Variants in CR1L observed in about 807,000 individuals in gnomAD.
CR1L encodes the protein complement C3b/C4b receptor 1 like, also known as complement component receptor 1-like protein.
Under a neutral mutation model 62.3 loss-of-function variants are expected in CR1L, and 59 were observed. That is an observed-to-expected ratio of 0.95 (90% CI 0.77 to 1.18). CR1L has a LOEUF of 1.18. Among genes scored for constraint, CR1L ranks in the 50% most tolerant of loss-of-function variants. CR1L has a pLI of 0.00. For missense variants in CR1L, 700 were observed against 702.8 expected (o/e 1.00, Z 0.04); for synonymous variants, 279 against 248.7 (o/e 1.12, Z -1.15).
Position 207,680,801 on chromosome 1 carries a change from G to A in CR1L, c.377+2504G>A, listed in dbSNP as rs79222941. Among the ~76,000 whole-genome samples the A allele has an allele frequency of 5.0e-3, 768 of 152,260 alleles. 3 individuals are homozygous for A. The highest frequency in any genetic ancestry group is 0.017 in the African/African-American group (710 of 41,544). The stretch of plus-strand genomic sequence containing the variant: ...AGATAAGACCCACTCAGATCACTAC[G>A]CCTTTTCAGGGAGCAATAATCTTCC... On this transcript the variant is annotated intron_variant, in intron 3 of 11. Transcript: ENST00000508064.
chr1:207,670,454 G>A (rs1456015115), intron 1 of CR1L, among the ~76,000 whole-genome samples: 1 of 150,988 alleles, frequency 6.6e-6, no homozygotes, highest in Non-Finnish European at 1.5e-5. Flanking sequence ...ACTTCAAGTA[G>A]GTAAACATCT....
At chr1:207,681,293 T>A (rs4336852) in intron 3 of CR1L, among the ~76,000 whole-genome samples, 73,818 of 151,936 alleles carry the variant, frequency 0.49, 18,262 homozygotes, top group East Asian at 0.69. Context: ...TGATCATGGC[T>A]TTTCCTGAAC....
In CR1L at chr1:207,694,740, G is replaced by A. The variant is rs1664048263; in HGVS notation, c.851G>A (p.Ser284Asn). Residue 284 changes from serine (S) to asparagine (N), a missense_variant, in exon 5 of 12, where the codon AGC becomes AAC. By Grantham distance (46) the Ser-to-Asn change is conservative (BLOSUM62 1). Transcript: ENST00000508064. ...ALNKWEPELP[S>N]CSRVCQPPPD... Reference sequence around the variant, plus strand: ...AACAAATGGGAGCCAGAGTTACCAAGCTGCTCCAGGGGTGAGTCTGACTGA... The same window carrying A: ...AACAAATGGGAGCCAGAGTTACCAAACTGCTCCAGGGGTGAGTCTGACTGA... 2.5e-6 allele frequency: 4 copies of A among 1,611,906 alleles called. No individual in the cohort carries two copies. In the East Asian group the frequency reaches 8.9e-5, roughly 36 times the overall value.
chr1:207,675,848 A>T (rs751748270), intron 1 of CR1L, among the ~76,000 whole-genome samples: 8 of 152,236 alleles, frequency 5.3e-5, no homozygotes, highest in Non-Finnish European at 1.2e-4. Context: ...AGCTGAGTCT[A>T]CTATATAATA....
chr1:207,656,529 G>A (rs1037656071), intron 1 of CR1L, among the ~76,000 whole-genome samples: 1 of 152,126 alleles, frequency 6.6e-6, no homozygotes, highest in African/African-American at 2.4e-5. Context: ...AATTTATAAA[G>A]AAAAGAGGTT....
intron 4 of CR1L, among the ~76,000 whole-genome samples, chr1:207,687,395 A>C (rs1663929267): frequency 6.6e-6 from 1 of 152,216 alleles, no homozygotes; most frequent in South Asian, 2.1e-4. Context: ...TAAAGTGCAC[A>C]CATCTTAATT....
intron 1 of CR1L, among the ~76,000 whole-genome samples, chr1:207,666,046 A>T (rs1663518013): frequency 6.6e-6 from 1 of 152,226 alleles, no homozygotes; most frequent in South Asian, 2.1e-4. Context: ...TCAGTTATGC[A>T]TGGAGGAGAA....
At chr1:207,652,750 C>CTTTTTTTTTT (rs59228006) in intron 1 of CR1L, 1 of 626,714 alleles carries the variant, frequency 1.6e-6, no homozygotes. Flanking sequence ...ATAAACTAGC[C>CTTTTTTTTTT]TTTTTTTTTT....
chr1:207,661,252 T>C (rs1663416053), intron 1 of CR1L, among the ~76,000 whole-genome samples: 1 of 152,222 alleles, frequency 6.6e-6, no homozygotes. Flanking sequence ...GGTGTTAAAC[T>C]CTCCCATTAT....
At chr1:207,706,152 T>A (rs1451320067) in intron 9 of CR1L, among the ~76,000 whole-genome samples, 1 of 151,698 alleles carries the variant, frequency 6.6e-6, no homozygotes, top group East Asian at 1.9e-4. Flanking sequence ...GTGGGCACAG[T>A]GGCTCACACC....
intron 10 of CR1L, among the ~76,000 whole-genome samples, chr1:207,716,384 T>C (rs1653999466): frequency 6.6e-6 from 1 of 152,152 alleles, no homozygotes; most frequent in Admixed American, 6.6e-5. Context: ...TCCGCTTAAA[T>C]AAAATATCCC....
chr1:207,656,004 C>T (rs1663304043), intron 1 of CR1L, among the ~76,000 whole-genome samples: 1 of 152,072 alleles, frequency 6.6e-6, no homozygotes, highest in Non-Finnish European at 1.5e-5. Flanking sequence ...TTTGGGAGGC[C>T]GACGCGGGTG....
intron 10 of CR1L, 72 bp downstream of exon 10, chr1:207,708,335 A>G (rs1664303132): frequency 6.5e-7 from 1 of 1,550,340 alleles, no homozygotes; most frequent in East Asian, 2.3e-5. Flanking sequence ...ATTACAAAGA[A>G]TGAATCTCAT....
chr1:207,684,744 C>T (rs1397302221), intron 4 of CR1L, among the ~76,000 whole-genome samples: 3 of 151,810 alleles, frequency 2.0e-5, no homozygotes, highest in Non-Finnish European at 2.9e-5. Flanking sequence ...ATCAGATGAA[C>T]GGCATATATG....
rs577253023 is a variant in CR1L at position 207,722,627 on chromosome 1, G to A, written c.1643-991G>A. 3.3e-5 allele frequency among the ~76,000 whole-genome samples: 5 copies of A among 152,258 alleles called. 1 individual carries two copies. The East Asian group carries it at 9.6e-4, about 29-fold the overall frequency. ...AGTATAGTTTGAAGTCAGGTAGTGT[G>A]ATAAAGTACCCTTTTTTTAAATTGT... On this transcript the variant is annotated intron_variant, in intron 11 of 11. Coordinates refer to ENST00000508064, the MANE Select transcript of CR1L (RefSeq NM_175710.2).
intron 4 of CR1L, among the ~76,000 whole-genome samples, chr1:207,686,272 G>T (rs1663911583): frequency 1.3e-5 from 2 of 148,374 alleles, no homozygotes; most frequent in African/African-American, 2.5e-5. Flanking sequence ...AACATTGGTA[G>T]CAATAGATGT....
intron 10 of CR1L, among the ~76,000 whole-genome samples, chr1:207,713,018 C>G (rs1399507973): frequency 6.6e-6 from 1 of 152,140 alleles, no homozygotes; most frequent in African/African-American, 2.4e-5. Context: ...AATTAAGGAG[C>G]TGACCTAGTA....
At chr1:207,704,101 C>T (rs955534830) in intron 9 of CR1L, among the ~76,000 whole-genome samples, 4 of 152,178 alleles carry the variant, frequency 2.6e-5, no homozygotes, top group African/African-American at 9.7e-5. Context: ...GTTAAGAACA[C>T]TCATGATTCA....
chr1:207,693,853 T>C lies in CR1L; in HGVS notation c.464-500T>C, dbSNP rs147210088. Among the ~76,000 whole-genome samples, 1,013 of 152,284 alleles carry C rather than the reference T, an allele frequency of 6.7e-3. 6 individuals are homozygous for C. The highest frequency in any genetic ancestry group is 0.023 in the African/African-American group (954 of 41,578). ...TATGTTTCCATTTATATCATTTAGATTTTCAAAATATTTAACCCCCAGTAG... is the reference window on the plus strand; with the variant it reads ...TATGTTTCCATTTATATCATTTAGACTTTCAAAATATTTAACCCCCAGTAG... On this transcript the variant is annotated intron_variant, in intron 4 of 11. Transcript: ENST00000508064.
Sources: gnomAD v4.1 joint callset for allele counts (sites outside exome capture counted in the v4.1 genomes callset) on GRCh38, gnomAD v4.1.1 for gene constraint, MANE v1.5 for transcripts, NCBI Gene and HGNC (gene_info 2026-07-23, HGNC 2026-07-21) for gene names.